Variants in TRMT9B observed in about 807,000 individuals in gnomAD.
The protein encoded by TRMT9B is tRNA methyltransferase 9B (putative), also known as probable tRNA methyltransferase 9B.
Under a neutral mutation model 11.5 loss-of-function variants are expected in TRMT9B, and 16 were observed. The observed-to-expected ratio is 1.39, with a 90% confidence interval of 0.94 to 2.11. TRMT9B has a LOEUF of 2.11. Ranked by LOEUF, TRMT9B falls within the 30% of genes most tolerant of loss-of-function variation. The probability of loss-of-function intolerance (pLI) is 0.00; values close to 1 mark genes in which losing one functional copy is unlikely to be tolerated. For missense variants in TRMT9B, 941 were observed against 553.8 expected (o/e 1.70, Z -7.02); for synonymous variants, 274 against 192.4 (o/e 1.42, Z -3.51).
intron 4 of TRMT9B, 49 bp downstream of exon 4, chr8:13,012,906 C>T (rs751574976): frequency 6.3e-7 from 1 of 1,597,694 alleles, no homozygotes; most frequent in Non-Finnish European, 8.5e-7. Context: ...GAATAATTGA[C>T]CCGGTTTAGT....
chr8:12,975,072 G>T (rs1804234366), intron 1 of TRMT9B, among the ~76,000 whole-genome samples: 1 of 151,752 alleles, frequency 6.6e-6, no homozygotes, highest in African/African-American at 2.4e-5. Flanking sequence ...CACTAATGGG[G>T]AAAATCGATG....
intron 4 of TRMT9B, among the ~76,000 whole-genome samples, chr8:13,014,101 G>A (rs1335292680): frequency 6.6e-6 from 1 of 152,170 alleles, no homozygotes; most frequent in Non-Finnish European, 1.5e-5. Context: ...TCCAACATTA[G>A]GTGGGGACTA....
intron 1 of TRMT9B, among the ~76,000 whole-genome samples, chr8:12,972,786 C>G (rs1021151444): frequency 6.6e-6 from 1 of 152,136 alleles, no homozygotes; most frequent in African/African-American, 2.4e-5. Flanking sequence ...CTCAGCAGGA[C>G]TTGCAGAAGA....
rs116741192 is a variant in TRMT9B at position 12,984,639 on chromosome 8, T to C, written c.-199-6195T>C. On this transcript the variant is annotated intron_variant, in intron 1 of 4. Coordinates refer to ENST00000524591, the MANE Select transcript of TRMT9B (RefSeq NM_020844.3). ...AGCAGTCTTCTTCCACGGTACTATTTTGGGGGACCTATTGCTTTTATCTCA... is the reference window on the plus strand; with the variant it reads ...AGCAGTCTTCTTCCACGGTACTATTCTGGGGGACCTATTGCTTTTATCTCA... Among the ~76,000 whole-genome samples the C allele has an allele frequency of 2.9e-3, 441 of 152,228 alleles. 2 individuals carry two copies. The highest frequency in any genetic ancestry group is 0.01 in the African/African-American group (425 of 41,526).
At chr8:13,003,578 G>A (rs1794316174) in intron 2 of TRMT9B, among the ~76,000 whole-genome samples, 2 of 152,100 alleles carry the variant, frequency 1.3e-5, no homozygotes, top group Non-Finnish European at 2.9e-5. Context: ...GGCTAATGCT[G>A]AGGAAAGATG....
At position 13,024,081 on chromosome 8, in the gene TRMT9B, T is replaced by C. The variant is rs1281436424; in HGVS notation, c.*2037T>C. ...TTTTTTGAGACAGAGTCTCGCTCTG[T>C]CGCCCAGGCTGGAGTGCACTGGCGC... On this transcript the variant is annotated 3_prime_UTR_variant, in exon 5 of 5. Coordinates refer to ENST00000524591, the MANE Select transcript of TRMT9B (RefSeq NM_020844.3). The C allele has an allele frequency of 1.1e-4, 16 of 145,822 alleles. No homozygotes were observed. Among genetic ancestry groups the C allele is most frequent in the Non-Finnish European group, 1.1e-4 (7 of 66,084 alleles). 9.0% of individuals were successfully genotyped at this position (145,822 alleles called of 1,614,324 possible). A position where few individuals can be genotyped will look rare whatever the true frequency, so the allele number is the denominator to read the frequency against.
At chr8:12,970,356 A>C (rs1803421902) in intron 1 of TRMT9B, among the ~76,000 whole-genome samples, 1 of 152,232 alleles carries the variant, frequency 6.6e-6, no homozygotes, top group East Asian at 1.9e-4. Context: ...CCCAACTTTT[A>C]CGTTGTCATG....
chr8:13,016,402 A>G (rs985757189), intron 4 of TRMT9B, among the ~76,000 whole-genome samples: 2 of 147,620 alleles, frequency 1.4e-5, no homozygotes, highest in African/African-American at 4.9e-5. Context: ...AAATATAAAT[A>G]ATATATATAA....
At chr8:13,001,973 T>C (rs528233514) in intron 2 of TRMT9B, among the ~76,000 whole-genome samples, 5 of 152,358 alleles carry the variant, frequency 3.3e-5, no homozygotes, top group African/African-American at 1.2e-4. Context: ...TTTGCTTATA[T>C]AAATAAAATT....
At chr8:12,953,490 C>G (rs1585057322) in intron 1 of TRMT9B, among the ~76,000 whole-genome samples, 2 of 152,176 alleles carry the variant, frequency 1.3e-5, no homozygotes, top group African/African-American at 4.8e-5. Flanking sequence ...GCTGGGATTA[C>G]AGGTGCAAAC....
intron 1 of TRMT9B, among the ~76,000 whole-genome samples, chr8:12,985,205 G>T (rs986582483): frequency 6.6e-6 from 1 of 152,118 alleles, no homozygotes; most frequent in African/African-American, 2.4e-5. Context: ...TTTATCGGGG[G>T]TAACTTTCTA....
At chr8:12,978,546 A>G (rs1804828933) in intron 1 of TRMT9B, among the ~76,000 whole-genome samples, 1 of 148,892 alleles carries the variant, frequency 6.7e-6, no homozygotes, top group African/African-American at 2.4e-5. Context: ...ATAGATAGAT[A>G]GATAGATAGA....
chr8:13,016,042 T>C (rs1460335913), intron 4 of TRMT9B, among the ~76,000 whole-genome samples: 1 of 150,462 alleles, frequency 6.6e-6, no homozygotes, highest in Non-Finnish European at 1.5e-5. Context: ...GTTCAGGAGT[T>C]TGAGTCCAGC....
chr8:13,013,288 C>A (rs566965734), intron 4 of TRMT9B, among the ~76,000 whole-genome samples: 5 of 152,304 alleles, frequency 3.3e-5, no homozygotes, highest in African/African-American at 1.2e-4. Flanking sequence ...CCAAATGTCA[C>A]CTGGACCAAT....
At chr8:12,986,433 C>A (rs755857261) in intron 1 of TRMT9B, among the ~76,000 whole-genome samples, 1 of 152,050 alleles carries the variant, frequency 6.6e-6, no homozygotes, top group East Asian at 1.9e-4. Flanking sequence ...AAAGTGCTGC[C>A]GTCAATTATG....
At chr8:12,994,014 G>C (rs1017059875) in intron 2 of TRMT9B, among the ~76,000 whole-genome samples, 4 of 152,164 alleles carry the variant, frequency 2.6e-5, no homozygotes, top group East Asian at 1.9e-4. Context: ...CCAACCTCTT[G>C]TCAATTTCCT....
intron 1 of TRMT9B, among the ~76,000 whole-genome samples, chr8:12,960,794 A>G (rs1284106539): frequency 6.6e-6 from 1 of 152,174 alleles, no homozygotes; most frequent in Non-Finnish European, 1.5e-5. Flanking sequence ...AGTGGTTGCC[A>G]TGGGTCGAGT....
chr8:12,968,769 G>T (rs1399609094), intron 1 of TRMT9B, among the ~76,000 whole-genome samples: 1 of 152,224 alleles, frequency 6.6e-6, no homozygotes, highest in Non-Finnish European at 1.5e-5. Flanking sequence ...GACAAGGTCA[G>T]TTACTAGAAG....
At chr8:13,010,716 C>T in intron 3 of TRMT9B, 1 of 984,788 alleles carries the variant, frequency 1.0e-6, no homozygotes, top group Non-Finnish European at 1.2e-6. Context: ...CTTTCCCTTT[C>T]ATTTCTCCTA....
Sources: allele counts gnomAD v4.1 joint callset (sites outside exome capture counted in the v4.1 genomes callset), GRCh38; gene constraint gnomAD v4.1.1; transcripts MANE v1.5; gene names NCBI Gene and HGNC (gene_info 2026-07-23, HGNC 2026-07-21).